ARHGAP42: variants seen among roughly 807,000 people sequenced by gnomAD.
The protein encoded by ARHGAP42 is Rho GTPase activating protein 42.
Under a neutral mutation model 125.0 loss-of-function variants are expected in ARHGAP42, and 63 were observed. The ratio of observed to expected loss-of-function variants is 0.50; its 90% CI spans 0.41 to 0.62. The LOEUF (loss-of-function observed/expected upper bound fraction) is 0.62, where lower values mean the gene tolerates loss of function less well. Ranked by LOEUF, ARHGAP42 falls within the 20% of genes least tolerant of loss-of-function variation. The pLI, the probability that ARHGAP42 is intolerant of heterozygous loss-of-function variation, is 0.00. For synonymous variants in ARHGAP42, 339 were observed against 351.0 expected, an observed-to-expected ratio of 0.97 and a Z score of 0.38; for missense variants, 766 against 1,024.2, an observed-to-expected ratio of 0.75 and a Z score of 3.44.
chr11:100,987,732 A>G (rs894683830), intron 23 of ARHGAP42, 140 bp downstream of exon 23: 2 of 763,210 alleles, frequency 2.6e-6, no homozygotes, highest in Non-Finnish European at 4.3e-6. Context: ...GCATGCATGA[A>G]CACATCAAAT....
intron 1 of ARHGAP42, among the ~76,000 whole-genome samples, chr11:100,713,766 A>G (rs2120246032): frequency 6.6e-6 from 1 of 152,344 alleles, no homozygotes; most frequent in Non-Finnish European, 1.5e-5. Context: ...GGGGATCTGC[A>G]GAAATTTGTT....
Position 100,989,738 on chromosome 11 carries a change from G to C in ARHGAP42, c.*937G>C, listed in dbSNP as rs1416797993. On this transcript the variant is annotated 3_prime_UTR_variant, in exon 24 of 24. Coordinates refer to ENST00000298815, the MANE Select transcript of ARHGAP42 (RefSeq NM_152432.4). ...AAGGCATACAACTTAAATTCCACTT[G>C]GAAGATTGTAAAGTGTCAAAGTATT... The C allele has an allele frequency of 6.6e-6, 1 of 152,154 alleles. No individual in the cohort carries two copies. The highest frequency in any genetic ancestry group is 1.5e-5 in the Non-Finnish European group (1 of 68,022). The allele number at this position is 152,154 out of a possible 1,614,324, so 9.4% of individuals were successfully genotyped here. A position where few individuals can be genotyped will look rare whatever the true frequency, so the allele number is the denominator to read the frequency against.
At chr11:100,695,698 T>C (rs560989397) in intron 1 of ARHGAP42, among the ~76,000 whole-genome samples, 41 of 152,336 alleles carry the variant, frequency 2.7e-4, no homozygotes, top group African/African-American at 9.6e-4. Flanking sequence ...AATCCAGTTA[T>C]AATACTAAAG....
Position 100,949,913 on chromosome 11 carries a change from T to TAA in ARHGAP42, c.1123-4_1123-3insAA. 1 of 1,471,528 alleles carries TAA rather than the reference T, an allele frequency of 6.8e-7. No homozygotes were observed. Among genetic ancestry groups the TAA allele is most frequent in the Non-Finnish European group, 9.2e-7 (1 of 1,084,800 alleles). 91.2% of individuals were successfully genotyped at this position (1,471,528 alleles called of 1,614,324 possible). A position where few individuals can be genotyped will look rare whatever the true frequency, so the allele number is the denominator to read the frequency against. Reference sequence around the variant, plus strand: ...GTAACTAATGGACATCCTTTGTTTTTTAGATTTATACTCTGCCTGCCATTA... The same window carrying TAA: ...GTAACTAATGGACATCCTTTGTTTTTAATAGATTTATACTCTGCCTGCCATTA... On this transcript the variant is annotated splice_polypyrimidine_tract_variant and splice_region_variant and intron_variant, in intron 11 of 23. Transcript: ENST00000298815.
intron 6 of ARHGAP42, among the ~76,000 whole-genome samples, chr11:100,926,426 A>G (rs77667323): frequency 0.014 from 2,119 of 152,328 alleles, 52 homozygotes; most frequent in African/African-American, 0.048. Flanking sequence ...ATCCTTCCTG[A>G]TAATATTTGC....
chr11:100,780,916 A>G (rs1341172125), intron 2 of ARHGAP42, among the ~76,000 whole-genome samples: 1 of 152,184 alleles, frequency 6.6e-6, no homozygotes, highest in East Asian at 1.9e-4. Flanking sequence ...TTGGGTGCCT[A>G]TTGGTTAACA....
chr11:100,769,022 C>T (rs1862906448), intron 1 of ARHGAP42, among the ~76,000 whole-genome samples: 1 of 152,152 alleles, frequency 6.6e-6, no homozygotes, highest in African/African-American at 2.4e-5. Flanking sequence ...GTCAAGTAGG[C>T]TATCCCACCT....
At chr11:100,862,124 A>C (rs943551664) in intron 4 of ARHGAP42, among the ~76,000 whole-genome samples, 2 of 152,146 alleles carry the variant, frequency 1.3e-5, no homozygotes, top group African/African-American at 4.8e-5. Flanking sequence ...AAAATCTGTG[A>C]CCTAATTAAA....
chr11:100,854,177 T>C (rs1301810983), intron 3 of ARHGAP42, among the ~76,000 whole-genome samples: 1 of 152,088 alleles, frequency 6.6e-6, no homozygotes, highest in Non-Finnish European at 1.5e-5. Flanking sequence ...CTCCTGAGAG[T>C]GTATTGCTTC....
intron 3 of ARHGAP42, among the ~76,000 whole-genome samples, chr11:100,800,709 A>T (rs966279002): frequency 6.6e-6 from 1 of 152,186 alleles, no homozygotes. Context: ...TCGTGAAATC[A>T]TACTGTGGGT....
intron 3 of ARHGAP42, among the ~76,000 whole-genome samples, chr11:100,795,415 C>G (rs1191311327): frequency 2.0e-5 from 3 of 151,950 alleles, no homozygotes; most frequent in Non-Finnish European, 4.4e-5. Flanking sequence ...ATTTACTGTT[C>G]TAAGGATTAA....
intron 2 of ARHGAP42, among the ~76,000 whole-genome samples, chr11:100,779,190 T>C (rs554101181): frequency 1.3e-5 from 2 of 152,010 alleles, no homozygotes; most frequent in Admixed American, 6.5e-5. Flanking sequence ...CTCACGCCTG[T>C]AATCCCAGCA....
At chr11:100,926,526 G>A (rs546544808) in intron 6 of ARHGAP42, among the ~76,000 whole-genome samples, 148 of 152,300 alleles carry the variant, frequency 9.7e-4, no homozygotes, top group Non-Finnish European at 1.4e-3. Flanking sequence ...GTTTACCTTT[G>A]GTAAGCAGAG....
chr11:100,795,463 A>G (rs1176563789), intron 3 of ARHGAP42, among the ~76,000 whole-genome samples: 4 of 152,206 alleles, frequency 2.6e-5, no homozygotes. Flanking sequence ...ACCCATTCTA[A>G]TTCAGCAAAC....
intron 1 of ARHGAP42, among the ~76,000 whole-genome samples, chr11:100,744,118 C>T (rs1397478574): frequency 6.6e-6 from 1 of 152,044 alleles, no homozygotes; most frequent in African/African-American, 2.4e-5. Flanking sequence ...CTACAGGCGC[C>T]TGCCTCCACG....
intron 10 of ARHGAP42, among the ~76,000 whole-genome samples, chr11:100,946,385 C>T (rs1868018069): frequency 6.6e-6 from 1 of 152,020 alleles, no homozygotes; most frequent in Admixed American, 6.6e-5. Flanking sequence ...TTTTCCTTTG[C>T]ATTCACAGCT....
chr11:100,706,252 C>G (rs11224401), intron 1 of ARHGAP42, among the ~76,000 whole-genome samples: 7 of 152,184 alleles, frequency 4.6e-5, no homozygotes, highest in African/African-American at 1.7e-4. Flanking sequence ...CCCTGTTTCT[C>G]TCCCTAGCAA....
intron 6 of ARHGAP42, among the ~76,000 whole-genome samples, chr11:100,929,107 T>A (rs1941372): frequency 0.88 from 134,297 of 152,214 alleles, 59,333 homozygotes; most frequent in East Asian, 1. Flanking sequence ...TATGGAAGAC[T>A]ATTTTTCCAT....
chr11:100,798,464 C>G (rs1483953883), intron 3 of ARHGAP42, among the ~76,000 whole-genome samples: 1 of 152,154 alleles, frequency 6.6e-6, no homozygotes, highest in African/African-American at 2.4e-5. Context: ...CCTCCACCAT[C>G]AAAAAGATTA....
Sources: allele counts gnomAD v4.1 joint callset (sites outside exome capture counted in the v4.1 genomes callset), GRCh38; gene constraint gnomAD v4.1.1; transcripts MANE v1.5; gene names NCBI Gene and HGNC (gene_info 2026-07-23, HGNC 2026-07-21).